TMEM41B: variants seen among roughly 807,000 people sequenced by gnomAD.
The protein encoded by TMEM41B is protein stasimon.
A neutral mutation model predicts 31.9 loss-of-function variants in TMEM41B; 18 were observed. That is an observed-to-expected ratio of 0.56 (90% CI 0.39 to 0.84). The LOEUF is 0.84. Among genes scored for constraint, TMEM41B ranks in the 40% least tolerant of loss-of-function variants. The probability of loss-of-function intolerance (pLI) is 0.00; values close to 1 mark genes in which losing one functional copy is unlikely to be tolerated. For synonymous variants in TMEM41B, 144 were observed against 124.3 expected, an observed-to-expected ratio of 1.16 and a Z score of -1.05; for missense variants, 322 against 348.0, an observed-to-expected ratio of 0.93 and a Z score of 0.59.
chr11:9,287,616 ACATGTAGTTAATT>A (rs1406408685), intron 5 of TMEM41B, 73 bp downstream of exon 5: 3 of 828,806 alleles, frequency 3.6e-6, no homozygotes, highest in African/African-American at 3.5e-5. Flanking sequence ...TTGGGTTAAT[ACATGTAGTTAATT>A]CATGTAGGGA....
chr11:9,285,088 C>CTTTTTTTTT (rs11405419), intron 6 of TMEM41B, among the ~76,000 whole-genome samples: 2 of 131,208 alleles, frequency 1.5e-5, no homozygotes, highest in Non-Finnish European at 1.6e-5. Flanking sequence ...TTCCTTCTTT[C>CTTTTTTTTT]TTTTTTTTTT....
intron 1 of TMEM41B, among the ~76,000 whole-genome samples, chr11:9,313,626 G>A (rs1853616201): frequency 6.6e-6 from 1 of 152,086 alleles, no homozygotes; most frequent in Non-Finnish European, 1.5e-5. Flanking sequence ...GATGTAGTGG[G>A]GAAATAAACT....
At chr11:9,311,534 T>G in intron 1 of TMEM41B, 1 of 1,307,182 alleles carries the variant, frequency 7.7e-7, no homozygotes, top group Non-Finnish European at 1.1e-6. Context: ...GGGGGAAAGC[T>G]GAATTGCCTT....
At chr11:9,308,838 G>T (rs757828618) in intron 1 of TMEM41B, among the ~76,000 whole-genome samples, 1 of 152,170 alleles carries the variant, frequency 6.6e-6, no homozygotes, top group African/African-American at 2.4e-5. Context: ...GACTTCATCC[G>T]TAATACTAGG....
intron 2 of TMEM41B, among the ~76,000 whole-genome samples, chr11:9,295,884 T>C (rs752393516): frequency 2.6e-5 from 4 of 151,778 alleles, no homozygotes; most frequent in Non-Finnish European, 5.9e-5. Context: ...TTTGACACAG[T>C]CTCACTCTGT....
chr11:9,313,423 T>A (rs1285144425), intron 1 of TMEM41B, among the ~76,000 whole-genome samples: 1 of 152,230 alleles, frequency 6.6e-6, no homozygotes, highest in Non-Finnish European at 1.5e-5. Flanking sequence ...CTTGTTAGGA[T>A]CACTTTAAGT....
intron 1 of TMEM41B, among the ~76,000 whole-genome samples, chr11:9,309,443 A>G (rs1473987132): frequency 6.6e-6 from 1 of 150,932 alleles, no homozygotes; most frequent in Non-Finnish European, 1.5e-5. Context: ...GACTGACATC[A>G]GCAAACCATA....
Position 9,281,778 on chromosome 11 carries a change from A to G in TMEM41B, c.*1646T>C, listed in dbSNP as rs576384661. 4 of 152,338 alleles carry G rather than the reference A, an allele frequency of 2.6e-5. No individual in the cohort carries two copies. The highest frequency in any genetic ancestry group is 4.1e-4 in the South Asian group (2 of 4,832). 9.4% of individuals were successfully genotyped at this position (152,338 alleles called of 1,614,324 possible). On this transcript the variant is annotated 3_prime_UTR_variant, in exon 7 of 7. Coordinates refer to ENST00000528080, the MANE Select transcript of TMEM41B (RefSeq NM_015012.4). The stretch of plus-strand genomic sequence containing the variant: ...GTAAAGACTAAATTGGGAAACTGCA[A>G]TAAGTAATCAAAAGTAGCTCCAAAC...
At chr11:9,294,323 C>T (rs1853034582) in intron 3 of TMEM41B, among the ~76,000 whole-genome samples, 1 of 151,518 alleles carries the variant, frequency 6.6e-6, no homozygotes, top group African/African-American at 2.4e-5. Context: ...GGTGAAACTC[C>T]GTCTCTACTG....
chr11:9,305,979 C>CTTTTTTTTT lies in TMEM41B; in HGVS notation c.122-6287_122-6279dup, dbSNP rs746744551. The stretch of plus-strand genomic sequence containing the variant: ...TACAGCTACTTACACCAGCACTTTT[C>CTTTTTTTTT]TTTTTTTTTTTTTTTTTGAGACAGA... On this transcript the variant is annotated intron_variant, in intron 1 of 6. Coordinates refer to ENST00000528080, the MANE Select transcript of TMEM41B (RefSeq NM_015012.4). 3.8e-4 allele frequency among the ~76,000 whole-genome samples: 45 copies of CTTTTTTTTT among 117,974 alleles called. 3 individuals carry two copies. Among genetic ancestry groups the CTTTTTTTTT allele is most frequent in the Admixed American group, 5.8e-4 (6 of 10,274 alleles). The allele number at this position is 117,974 out of a possible 152,430, so 77.4% of individuals were successfully genotyped here.
At chr11:9,287,121 C>T (rs758682888) in intron 5 of TMEM41B, among the ~76,000 whole-genome samples, 3 of 151,834 alleles carry the variant, frequency 2.0e-5, no homozygotes, top group Non-Finnish European at 4.4e-5. Context: ...GCCTGGCCAA[C>T]ATGGTAAAAC....
intron 1 of TMEM41B, among the ~76,000 whole-genome samples, chr11:9,308,090 T>G (rs1377997778): frequency 1.3e-5 from 2 of 151,922 alleles, no homozygotes; most frequent in Non-Finnish European, 2.9e-5. Context: ...CTCACACATG[T>G]AATCCCAGCA....
intron 6 of TMEM41B, among the ~76,000 whole-genome samples, chr11:9,285,086 TTC>T (rs1188988543): frequency 7.6e-6 from 1 of 131,968 alleles, no homozygotes; most frequent in African/African-American, 2.8e-5. Flanking sequence ...CTTTCCTTCT[TTC>T]TTTTTTTTTT....
chr11:9,295,496 T>C lies in TMEM41B; in HGVS notation c.240-109A>G, dbSNP rs1055296299. On this transcript the variant is annotated intron_variant, in intron 2 of 6. Coordinates refer to ENST00000528080, the MANE Select transcript of TMEM41B (RefSeq NM_015012.4). ...AAAATGATTTCATGCCTTGATCTAT[T>C]AAGTCTAAATTAGCAATGTTTAAGT... 2.6e-5 allele frequency: 17 copies of C among 660,762 alleles called. No individual in the cohort carries two copies. In the African/African-American group the frequency reaches 2.6e-4, roughly 10 times the overall value. The allele number at this position is 660,762 out of a possible 1,614,324, so 40.9% of individuals were successfully genotyped here. A position where few individuals can be genotyped will look rare whatever the true frequency, so the allele number is the denominator to read the frequency against.
chr11:9,286,052 T>C (rs1023102432), intron 6 of TMEM41B, among the ~76,000 whole-genome samples: 17 of 151,928 alleles, frequency 1.1e-4, no homozygotes, highest in African/African-American at 3.9e-4. Flanking sequence ...GAGGCGGAGA[T>C]TGCAGTGAGC....
chr11:9,287,733 A>T lies in TMEM41B; in HGVS notation c.536T>A (p.Leu179Gln), dbSNP rs761816372. The T allele has an allele frequency of 1.9e-6, 3 of 1,612,944 alleles. No homozygotes were observed. The highest frequency in any genetic ancestry group is 3.3e-5 in the Admixed American group (2 of 59,792). ...TGACCATTTTACTGCTTTCTCTGTT[A>T]GGTATTTGTATACAACTGGTCTCCC... is the stretch of plus-strand genomic sequence containing the variant. ...LVGRPVVYKYLTEKAVKWSQQ... is the reference protein window; with the variant it reads ...LVGRPVVYKYQTEKAVKWSQQ... The change falls in exon 5 of 7, where the codon CTA becomes CAA. Residue 179 changes from leucine to glutamine, a missense_variant. Around this residue, in one of 3 missense-constraint regions of TMEM41B, gnomAD observed 47 missense variants for 84.8 expected, o/e 0.55. Transcript: ENST00000528080.
chr11:9,284,842 A>G (rs1395587205), intron 6 of TMEM41B, among the ~76,000 whole-genome samples: 1 of 152,148 alleles, frequency 6.6e-6, no homozygotes, highest in African/African-American at 2.4e-5. Flanking sequence ...GAGTAAAGAG[A>G]GCAGTGTATA....
chr11:9,308,029 C>T (rs927394631), intron 1 of TMEM41B, among the ~76,000 whole-genome samples: 1 of 152,120 alleles, frequency 6.6e-6, no homozygotes, highest in Non-Finnish European at 1.5e-5. Flanking sequence ...AGCCACCGCG[C>T]CCAGCCTTAA....
At chr11:9,312,040 C>T (rs1853572883) in intron 1 of TMEM41B, among the ~76,000 whole-genome samples, 1 of 152,206 alleles carries the variant, frequency 6.6e-6, no homozygotes, top group Non-Finnish European at 1.5e-5. Flanking sequence ...ATGGAATTTA[C>T]AGGAACATTC....
Sources: allele counts gnomAD v4.1 joint callset (sites outside exome capture counted in the v4.1 genomes callset), GRCh38; gene constraint gnomAD v4.1.1; regional missense constraint gnomAD v4.1.1; transcripts MANE v1.5; gene names NCBI Gene and HGNC (gene_info 2026-07-23, HGNC 2026-07-21).